Variants in NIBAN1 observed in about 807,000 individuals in gnomAD.
The protein encoded by NIBAN1 is protein Niban 1.
In NIBAN1, 81 loss-of-function variants were observed where a neutral mutation model predicts 75.1. That is an observed-to-expected ratio of 1.08 (90% CI 0.90 to 1.30). NIBAN1 has a LOEUF of 1.30. NIBAN1 is among the 50% of genes most tolerant of loss of function. The probability of loss-of-function intolerance (pLI) is 0.00; values close to 1 mark genes in which losing one functional copy is unlikely to be tolerated. For missense variants in NIBAN1, 1,133 were observed against 1,128.1 expected (o/e 1.00, Z -0.06); for synonymous variants, 436 against 424.8 (o/e 1.03, Z -0.32).
rs111909034 is a variant in NIBAN1 at position 184,869,242 on chromosome 1, T to C, written c.601+15391A>G. 7.2e-4 allele frequency among the ~76,000 whole-genome samples: 110 copies of C among 152,282 alleles called. No homozygotes were observed. The Middle Eastern group carries it at 0.01, about 14-fold the overall frequency. On this transcript the variant is annotated intron_variant, in intron 5 of 13. Transcript: ENST00000367511. ...ATAAAAGTAGAAGAGAAGAGAGGTA[T>C]TTTATCTTACTAGTGGAGATCATCC...
At chr1:184,823,099 T>C in intron 8 of NIBAN1, 68 bp downstream of exon 8, 1 of 1,537,710 alleles carries the variant, frequency 6.5e-7, no homozygotes, top group African/African-American at 1.4e-5. Flanking sequence ...CATGCATTCC[T>C]GCTATGTGGT....
At chr1:184,909,905 C>T (rs1657197047) in intron 1 of NIBAN1, among the ~76,000 whole-genome samples, 1 of 152,068 alleles carries the variant, frequency 6.6e-6, no homozygotes, top group Admixed American at 6.5e-5. Flanking sequence ...TTAAACATTC[C>T]TAAGTAATGT....
At chr1:184,822,190 C>T in intron 8 of NIBAN1, among the ~76,000 whole-genome samples, 1 of 152,178 alleles carries the variant, frequency 6.6e-6, no homozygotes, top group Non-Finnish European at 1.5e-5. Context: ...GATGAGCCTG[C>T]AAGCTTCTCC....
chr1:184,927,553 C>A (rs533899736), intron 1 of NIBAN1, among the ~76,000 whole-genome samples: 1 of 152,204 alleles, frequency 6.6e-6, no homozygotes, highest in East Asian at 1.9e-4. Flanking sequence ...GAAGGGGTGA[C>A]ACAAGCACCC....
chr1:184,825,148 C>T (rs183777800), intron 6 of NIBAN1, among the ~76,000 whole-genome samples: 3 of 152,272 alleles, frequency 2.0e-5, no homozygotes, highest in Admixed American at 2.0e-4. Flanking sequence ...GATCTCCAGA[C>T]TGATGATTCT....
chr1:184,795,528 C>T lies in NIBAN1; in HGVS notation c.2236G>A (p.Glu746Lys), dbSNP rs1242608405. 6.2e-7 allele frequency: 1 copy of T among 1,613,746 alleles called. No homozygotes were observed. The highest frequency in any genetic ancestry group is 8.5e-7 in the Non-Finnish European group (1 of 1,179,970). The change falls in exon 14 of 14, where the codon GAA (glutamate) becomes AAA (lysine). Residue 746 changes from glutamate (E) to lysine (K), a missense_variant. Glu to Lys is a moderately conservative substitution (Grantham distance 56). Transcript: ENST00000367511. The stretch of plus-strand genomic sequence containing the variant: ...TGACTGGGCTCTTTTTCCTCTTCTT[C>T]TTCATTTTCTTGGGGAACGTGGCTC... ...GESHVPQENE[E>K]EEEKEPSQAA... is the part of the protein sequence containing the mutation.
At chr1:184,875,711 T>C (rs1366175075) in intron 5 of NIBAN1, among the ~76,000 whole-genome samples, 1 of 152,174 alleles carries the variant, frequency 6.6e-6, no homozygotes, top group African/African-American at 2.4e-5. Context: ...TTGCAAGTGC[T>C]TTAAAATCAT....
intron 3 of NIBAN1, among the ~76,000 whole-genome samples, chr1:184,890,905 G>A (rs960206392): frequency 7.2e-5 from 11 of 152,170 alleles, no homozygotes; most frequent in Non-Finnish European, 1.5e-4. Flanking sequence ...TGCCCACAAG[G>A]ACATGCAGAT....
chr1:184,821,679 T>C (rs896075974), intron 8 of NIBAN1, among the ~76,000 whole-genome samples: 2 of 152,196 alleles, frequency 1.3e-5, no homozygotes, highest in Admixed American at 6.5e-5. Flanking sequence ...TAGCTCCAGA[T>C]AGCAGAAATT....
rs1036526495 is a variant in NIBAN1 at position 184,958,092 on chromosome 1, C to T, written c.55+16210G>A. 3.9e-5 allele frequency among the ~76,000 whole-genome samples: 6 copies of T among 152,278 alleles called. No homozygotes were observed. In the East Asian group the frequency reaches 1.2e-3, roughly 29 times the overall value. ...CTTCAAAAAGTAGCCAAAGGCCTGG[C>T]ACAGTGACTCACGCCTGTAATCCCA... On this transcript the variant is annotated intron_variant, in intron 1 of 13. Transcript: ENST00000367511.
intron 1 of NIBAN1, among the ~76,000 whole-genome samples, chr1:184,939,304 A>G (rs1658033760): frequency 6.6e-6 from 1 of 152,218 alleles, no homozygotes; most frequent in African/African-American, 2.4e-5. Flanking sequence ...GGAGGCAGAA[A>G]CAAAGGTAGA....
chr1:184,882,994 G>T (rs191736060), intron 5 of NIBAN1, among the ~76,000 whole-genome samples: 192 of 152,278 alleles, frequency 1.3e-3, no homozygotes, highest in African/African-American at 4.5e-3. Context: ...ACTCAGGGTT[G>T]CTGTGGCAAA....
intron 5 of NIBAN1, among the ~76,000 whole-genome samples, chr1:184,851,622 G>A (rs1655537153): frequency 1.6e-5 from 2 of 126,284 alleles, no homozygotes; most frequent in South Asian, 2.9e-4. Context: ...AAAACTTAGA[G>A]TATAATAAAA....
chr1:184,914,273 T>C (rs1057242749), intron 1 of NIBAN1, among the ~76,000 whole-genome samples: 2 of 152,250 alleles, frequency 1.3e-5, no homozygotes, highest in African/African-American at 4.8e-5. Context: ...GTGGAAGCCA[T>C]CTGCTCATCT....
chr1:184,802,406 C>T (rs1362433993), intron 12 of NIBAN1, among the ~76,000 whole-genome samples: 2 of 152,096 alleles, frequency 1.3e-5, no homozygotes, highest in Non-Finnish European at 2.9e-5. Flanking sequence ...AAAAAAAAAT[C>T]CTAAGCAGAA....
At chr1:184,902,300 A>G (rs1656975309) in intron 1 of NIBAN1, among the ~76,000 whole-genome samples, 1 of 152,194 alleles carries the variant, frequency 6.6e-6, no homozygotes, top group South Asian at 2.1e-4. Context: ...GACAGGTTCA[A>G]ATCCCATCTC....
chr1:184,832,013 C>T (rs780045644), intron 5 of NIBAN1, 51 bp from the exon 6 acceptor site: 3 of 1,330,810 alleles, frequency 2.3e-6, no homozygotes, highest in South Asian at 2.4e-5. Context: ...TCTAGATTTC[C>T]CCATAGCTCT....
At chr1:184,824,474 A>G (rs1318665579) in intron 6 of NIBAN1, among the ~76,000 whole-genome samples, 5 of 152,036 alleles carry the variant, frequency 3.3e-5, no homozygotes, top group Non-Finnish European at 7.4e-5. Flanking sequence ...CACAGCCAGA[A>G]CCCAAGCCCC....
chr1:184,903,118 C>G (rs115908227), intron 1 of NIBAN1, among the ~76,000 whole-genome samples: 1,533 of 152,294 alleles, frequency 0.01, 26 homozygotes, highest in African/African-American at 0.034. Context: ...ATCACATTCT[C>G]TTTCCTAAAT....
Sources: allele counts gnomAD v4.1 joint callset (sites outside exome capture counted in the v4.1 genomes callset), GRCh38; gene constraint gnomAD v4.1.1; transcripts MANE v1.5; gene names NCBI Gene and HGNC (gene_info 2026-07-23, HGNC 2026-07-21).